The following SPHKAP variants were observed in gnomAD, a reference collection of about 807,000 sequenced individuals.
SPHKAP encodes the protein SPHK1 interactor, AKAP domain containing.
A neutral mutation model predicts 137.5 loss-of-function variants in SPHKAP; 67 were observed. That is an observed-to-expected ratio of 0.49 (90% CI 0.40 to 0.60). The LOEUF is 0.60. Among genes scored for constraint, SPHKAP ranks in the 20% least tolerant of loss-of-function variants. The probability of loss-of-function intolerance (pLI) is 0.00; values close to 1 mark genes in which losing one functional copy is unlikely to be tolerated. For missense variants in SPHKAP, 2,097 were observed against 2,069.3 expected (o/e 1.01, Z -0.26); for synonymous variants, 813 against 785.3 (o/e 1.04, Z -0.59).
intron 7 of SPHKAP, 98 bp downstream of exon 7, chr2:228,016,308 C>A: frequency 6.8e-7 from 1 of 1,462,016 alleles, no homozygotes; most frequent in Non-Finnish European, 9.0e-7. Flanking sequence ...AGTTCTTGCA[C>A]CAATCAAATC....
In SPHKAP at chr2:228,032,720, A is replaced by T. The variant is rs28890845; in HGVS notation, c.247-5177T>A. Among the ~76,000 whole-genome samples the T allele has an allele frequency of 3.1e-3, 473 of 152,336 alleles. 8 individuals are homozygous for T. The highest frequency in any genetic ancestry group is 0.01 in the African/African-American group (423 of 41,576). On this transcript the variant is annotated intron_variant, in intron 3 of 11. Coordinates refer to ENST00000392056, the MANE Select transcript of SPHKAP (RefSeq NM_001142644.2). ...AAGCCAGAAAAGAGTAGGGACCAAT[A>T]TTCAACATTCTTAAAGAAAAGAATT...
intron 7 of SPHKAP, among the ~76,000 whole-genome samples, chr2:227,998,998 A>G (rs1209363364): frequency 2.0e-5 from 3 of 152,188 alleles, no homozygotes; most frequent in East Asian, 1.9e-4. Context: ...ATTTTCCTCA[A>G]TCTTAGAATT....
intron 11 of SPHKAP, among the ~76,000 whole-genome samples, chr2:227,987,930 C>T (rs34347386): frequency 0.02 from 3,081 of 152,202 alleles, 61 homozygotes; most frequent in Non-Finnish European, 0.028. Flanking sequence ...TGTCCAATAC[C>T]CTAGTGACAG....
chr2:227,997,016 T>C (rs1693662638), intron 7 of SPHKAP, among the ~76,000 whole-genome samples: 1 of 152,228 alleles, frequency 6.6e-6, no homozygotes, highest in East Asian at 1.9e-4. Context: ...CCTTGTGTGC[T>C]TGCCTGGACT....
At position 228,019,494 on chromosome 2, in the gene SPHKAP, GAAC is replaced by G. The variant is rs1302918670; in HGVS notation, c.1357_1359del (p.Val453del). 3.7e-6 allele frequency: 6 copies of G among 1,614,058 alleles called. No homozygotes were observed. The highest frequency in any genetic ancestry group is 5.1e-6 in the Non-Finnish European group (6 of 1,180,046). On this transcript the variant is annotated inframe_deletion, in exon 7 of 12. Transcript: ENST00000392056. ...GCAGCATCACTGCCATCTGGACTCT[GAAC>G]AACGACGATTTTGGGGAGCTCATTC... is the stretch of plus-strand genomic sequence containing the variant.
Position 228,115,971 on chromosome 2 carries a change from G to A in SPHKAP, c.139-7032C>T, listed in dbSNP as rs887596203. Among the ~76,000 whole-genome samples, 3 of 152,192 alleles carry A rather than the reference G, an allele frequency of 2.0e-5. No individual in the cohort carries two copies. In the South Asian group the frequency reaches 6.2e-4, roughly 32 times the overall value. On this transcript the variant is annotated intron_variant, in intron 2 of 11. Transcript: ENST00000392056. The stretch of plus-strand genomic sequence containing the variant: ...ATAAAAAAAGGCTTGAAAGCTTTTT[G>A]CCCTTCTCCCATGTGAGGATATGGC...
intron 3 of SPHKAP, among the ~76,000 whole-genome samples, chr2:228,098,975 G>A (rs1271883821): frequency 1.3e-5 from 2 of 152,082 alleles, no homozygotes; most frequent in South Asian, 2.1e-4. Context: ...CTCCCATTCT[G>A]TAGGTTGTCT....
chr2:228,018,362 T>C lies in SPHKAP; in HGVS notation c.2492A>G (p.Lys831Arg), dbSNP rs760089364. 4 of 1,614,160 alleles carry C rather than the reference T, an allele frequency of 2.5e-6. No homozygotes were observed. The South Asian group carries it at 4.4e-5, about 18-fold the overall frequency. The change falls in exon 7 of 12, where the codon AAG (lysine) becomes AGG (arginine). Residue 831 changes from lysine (K) to arginine (R), a missense_variant. Physicochemically the swap from Lys to Arg is conservative, Grantham distance 26. Transcript: ENST00000392056. ...PDSSTATTSSKEIYLKGIAGE... is the reference protein window; with the variant it reads ...PDSSTATTSSREIYLKGIAGE... ...TGCTATTCCTTTCAGATATATTTCC[T>C]TGGAGGATGTTGTAGCAGTTGAAGA...
intron 3 of SPHKAP, among the ~76,000 whole-genome samples, chr2:228,096,978 G>A (rs1698006798): frequency 6.6e-6 from 1 of 152,064 alleles, no homozygotes; most frequent in African/African-American, 2.4e-5. Context: ...GAGAATCTAG[G>A]TGTTTTTCTT....
intron 3 of SPHKAP, among the ~76,000 whole-genome samples, chr2:228,102,345 A>T (rs754568360): frequency 1.3e-4 from 20 of 152,106 alleles, no homozygotes; most frequent in Non-Finnish European, 2.9e-4. Flanking sequence ...GCTGCATGAT[A>T]CTTAAATAGT....
chr2:228,145,675 T>A (rs1424375169), intron 1 of SPHKAP, among the ~76,000 whole-genome samples: 2 of 152,158 alleles, frequency 1.3e-5, no homozygotes, highest in Admixed American at 1.3e-4. Flanking sequence ...TAAATAAAAA[T>A]ATAGTAAACT....
rs1694606585 is a variant in SPHKAP, at chr2:228,016,662, G to T, written c.4192C>A (p.Pro1398Thr). The change falls in exon 7 of 12, where the codon CCT (proline) becomes ACT (threonine). Residue 1398 changes from proline to threonine, a missense_variant. Transcript: ENST00000392056. ...GAAGTTTCTTTTTTAGAATCTAAAG[G>T]GCTGTGGTTTGTAAGAGAAGCAGTT... Reference protein sequence around the residue: ...SKTASLTNHSPLDSKKETSSC... With the variant: ...SKTASLTNHSTLDSKKETSSC... 1.2e-6 allele frequency: 2 copies of T among 1,614,088 alleles called. No homozygotes were observed. The highest frequency in any genetic ancestry group is 4.5e-5 in the East Asian group (2 of 44,858).
chr2:228,110,381 A>G (rs1360519494), intron 2 of SPHKAP, among the ~76,000 whole-genome samples: 1 of 152,100 alleles, frequency 6.6e-6, no homozygotes, highest in Non-Finnish European at 1.5e-5. Flanking sequence ...TTAGTGATAA[A>G]TTTTCATTAA....
chr2:228,137,615 T>G (rs1224430913), intron 1 of SPHKAP, among the ~76,000 whole-genome samples: 1 of 152,194 alleles, frequency 6.6e-6, no homozygotes, highest in Non-Finnish European at 1.5e-5. Flanking sequence ...TTCATTTGAT[T>G]GTCTCAACCC....
chr2:227,991,621 T>A, intron 9 of SPHKAP: 1 of 985,454 alleles, frequency 1.0e-6, no homozygotes, highest in Non-Finnish European at 1.2e-6. Context: ...TCAACCTCCT[T>A]ACCATAAACT....
At chr2:228,119,374 T>A (rs977862874) in intron 2 of SPHKAP, among the ~76,000 whole-genome samples, 3 of 152,158 alleles carry the variant, frequency 2.0e-5, no homozygotes, top group African/African-American at 7.2e-5. Flanking sequence ...ATTTTTAGTA[T>A]AATTTTGCAA....
chr2:228,175,552 T>C (rs1700714952), intron 1 of SPHKAP, among the ~76,000 whole-genome samples: 2 of 151,906 alleles, frequency 1.3e-5, no homozygotes, highest in Non-Finnish European at 2.9e-5. Flanking sequence ...AGATAAATAA[T>C]GAATCAATAA....
chr2:228,100,000 C>T (rs1698139637), intron 3 of SPHKAP, among the ~76,000 whole-genome samples: 1 of 152,136 alleles, frequency 6.6e-6, no homozygotes, highest in Non-Finnish European at 1.5e-5. Context: ...CAGGCGCCCG[C>T]CATCACGCCT....
chr2:228,021,751 C>T lies in SPHKAP; in HGVS notation c.657G>A (p.Glu219=). Residue 219 remains glutamate (E), a synonymous_variant, in exon 6 of 12, where the codon GAG becomes GAA. Transcript: ENST00000392056. ...SIEEDFLTAS[E]HLEEESEVDE... is the part of the protein sequence containing the mutation. ...CCACCTCGCTTTCCTCCTCCAAGTG[C>T]TCAGAAGCGGTGAGAAAGTCTTCCT... 4.3e-6 allele frequency: 7 copies of T among 1,614,042 alleles called. No individual in the cohort carries two copies. The highest frequency in any genetic ancestry group is 5.1e-6 in the Non-Finnish European group (6 of 1,179,952).
Sources: allele counts gnomAD v4.1 joint callset (sites outside exome capture counted in the v4.1 genomes callset), GRCh38; gene constraint gnomAD v4.1.1; transcripts MANE v1.5; gene names NCBI Gene and HGNC (gene_info 2026-07-23, HGNC 2026-07-21).